NLRP12: variants seen among roughly 807,000 people sequenced by gnomAD.
NLRP12 encodes NLR family pyrin domain containing 12, also known as NACHT, LRR and PYD domains-containing protein 12.
Under a neutral mutation model 91.2 loss-of-function variants are expected in NLRP12, and 108 were observed. The observed-to-expected ratio is 1.18, with a 90% confidence interval of 1.01 to 1.39. The LOEUF is 1.39. Ranked by LOEUF, NLRP12 falls within the 40% of genes most tolerant of loss-of-function variation. The pLI is 0.00. For missense variants in NLRP12, 1,530 were observed against 1,352.7 expected, an observed-to-expected ratio of 1.13 and a Z score of -2.06; for synonymous variants, 613 against 566.7, an observed-to-expected ratio of 1.08 and a Z score of -1.16.
In NLRP12 at chr19:53,805,357, G is replaced by A. The variant is rs2091941014; in HGVS notation, c.2337C>T (p.Gly779=). ...TCATGCCTGGGAATCCAACGCCGTTGCCACTGAGATCCATCCTTGTCAAAT... is the reference window on the plus strand; with the variant it reads ...TCATGCCTGGGAATCCAACGCCGTTACCACTGAGATCCATCCTTGTCAAAT... ...NKNLTRMDLS[G]NGVGFPGMML... is the part of the protein sequence containing the mutation. The change falls in exon 5 of 10, where the codon GGC becomes GGT. Residue 779 remains glycine (G), a synonymous_variant. Coordinates refer to ENST00000324134, the MANE Select transcript of NLRP12 (RefSeq NM_144687.4). The A allele has an allele frequency of 1.9e-6, 3 of 1,614,080 alleles. No homozygotes were observed. The highest frequency in any genetic ancestry group is 1.7e-6 in the Non-Finnish European group (2 of 1,179,992).
chr19:53,801,449 T>C (rs2091871524), intron 6 of NLRP12, 52 bp from the exon 7 acceptor site: 2 of 281,196 alleles, frequency 7.1e-6, no homozygotes, highest in Non-Finnish European at 5.8e-6. Context: ...TTTCTTTTTC[T>C]TTTTTTTTTT....
chr19:53,802,797 A>C (rs545478211), intron 6 of NLRP12, among the ~76,000 whole-genome samples: 2 of 152,252 alleles, frequency 1.3e-5, no homozygotes, highest in South Asian at 4.1e-4. Context: ...TATTAGGGAC[A>C]GGGTCTCACC....
intron 7 of NLRP12, among the ~76,000 whole-genome samples, chr19:53,800,630 T>G (rs2091853262): frequency 6.6e-6 from 1 of 151,246 alleles, no homozygotes; most frequent in Non-Finnish European, 1.5e-5. Context: ...TTGCCCAGAC[T>G]GGAGTGCAAT....
rs138252982 is a variant in NLRP12 at position 53,814,454 on chromosome 19, G to C, written c.370+454C>G. On this transcript the variant is annotated intron_variant, in intron 2 of 9. Transcript: ENST00000324134. ...TGCAACCTCTACCTCCCAGGTTCAA[G>C]TGATTCTTCTGCCTCAGCCTCTGAG... Among the ~76,000 whole-genome samples, 361 of 152,240 alleles carry C rather than the reference G, an allele frequency of 2.4e-3. 3 individuals are homozygous for C. The highest frequency in any genetic ancestry group is 8.2e-3 in the African/African-American group (341 of 41,550).
chr19:53,794,539 C>T (rs976143894), intron 9 of NLRP12, among the ~76,000 whole-genome samples: 1 of 64,068 alleles, frequency 1.6e-5, no homozygotes. Flanking sequence ...CCAGGATGGT[C>T]CTAGTCTCCT....
At chr19:53,795,625 C>T (rs978884317) in intron 9 of NLRP12, among the ~76,000 whole-genome samples, 2 of 151,844 alleles carry the variant, frequency 1.3e-5, no homozygotes, top group African/African-American at 4.8e-5. Context: ...CCACCCGCCT[C>T]GGCCTCCCAA....
At chr19:53,809,488 G>T in intron 3 of NLRP12, 99 bp downstream of exon 3, 1 of 1,232,040 alleles carries the variant, frequency 8.1e-7, no homozygotes, top group Non-Finnish European at 1.1e-6. Context: ...CTGAGGTCAC[G>T]CCAGTGTACT....
rs34166148 is a variant in NLRP12 at position 53,805,521 on chromosome 19, C to CTT, written c.2244-73_2244-72dup. Reference sequence around the variant, plus strand: ...CAGTTTTGTGGATTATTTTCTTTTGCTTTTTTTTTTTTTTCTGAGACAGAG... The same window carrying CTT: ...CAGTTTTGTGGATTATTTTCTTTTGCTTTTTTTTTTTTTTTTCTGAGACAGAG... On this transcript the variant is annotated intron_variant, in intron 4 of 9. Coordinates refer to ENST00000324134, the MANE Select transcript of NLRP12 (RefSeq NM_144687.4). 285,376 of 1,136,112 alleles carry CTT rather than the reference C, an allele frequency of 0.25. 6,315 individuals carry two copies. The highest frequency in any genetic ancestry group is 0.39 in the African/African-American group (24,224 of 61,380). 70.4% of individuals were successfully genotyped at this position (1,136,112 alleles called of 1,614,324 possible).
intron 6 of NLRP12, 186 bp downstream of exon 6, chr19:53,803,766 G>A (rs756457421): frequency 2.3e-5 from 14 of 619,356 alleles, no homozygotes; most frequent in Non-Finnish European, 3.0e-5. Context: ...TAGAGAGGGG[G>A]TTTCACCGTG....
chr19:53,794,785 G>A (rs1388854041), intron 9 of NLRP12, among the ~76,000 whole-genome samples: 2 of 151,584 alleles, frequency 1.3e-5, no homozygotes, highest in Non-Finnish European at 2.9e-5. Flanking sequence ...TCCTGCCTTA[G>A]CCTCCCAAGT....
intron 3 of NLRP12, chr19:53,808,192 G>C (rs1196651181): frequency 4.1e-6 from 1 of 243,328 alleles, no homozygotes; most frequent in Non-Finnish European, 8.2e-6. Context: ...TGAGAAGCTG[G>C]GGCTACAGGT....
Position 53,824,246 on chromosome 19 carries a change from C to A in NLRP12, c.-72G>T. The stretch of plus-strand genomic sequence containing the variant: ...TCCTATGCACGGGACACAGGGCGAC[C>A]CCAGCACACCTTCCATTGCATCATT... On this transcript the variant is annotated 5_prime_UTR_variant, in exon 1 of 10. Coordinates refer to ENST00000324134, the MANE Select transcript of NLRP12 (RefSeq NM_144687.4). 5 of 1,463,860 alleles carry A rather than the reference C, an allele frequency of 3.4e-6. No homozygotes were observed. Among genetic ancestry groups the A allele is most frequent in the Non-Finnish European group, 4.7e-6 (5 of 1,056,004 alleles). 90.7% of individuals were successfully genotyped at this position (1,463,860 alleles called of 1,614,324 possible).
At chr19:53,822,560 G>A (rs192403083) in intron 1 of NLRP12, among the ~76,000 whole-genome samples, 84 of 151,802 alleles carry the variant, frequency 5.5e-4, no homozygotes, top group East Asian at 2.4e-3. Flanking sequence ...GTGAAACCCC[G>A]TCTCTACAAA....
At position 53,793,952 on chromosome 19, in the gene NLRP12, T is replaced by C; in HGVS notation, c.*97A>G. The C allele has an allele frequency of 1.1e-6, 1 of 873,266 alleles. No homozygotes were observed. Among genetic ancestry groups the C allele is most frequent in the Non-Finnish European group, 2.0e-6 (1 of 506,734 alleles). 54.1% of individuals were successfully genotyped at this position (873,266 alleles called of 1,614,324 possible). A position where few individuals can be genotyped will look rare whatever the true frequency, so the allele number is the denominator to read the frequency against. ...TGATCTCAATCTGCATGAGTCTGTC[T>C]CTAGGAAGGAGGCTGATCATTATGC... On this transcript the variant is annotated 3_prime_UTR_variant, in exon 10 of 10. Coordinates refer to ENST00000324134, the MANE Select transcript of NLRP12 (RefSeq NM_144687.4).
rs878878031 is a variant in NLRP12, at chr19:53,809,882, G to C, written c.1777C>G (p.Gln593Glu). 1.9e-6 allele frequency: 3 copies of C among 1,614,096 alleles called. No individual in the cohort carries two copies. In the South Asian group the frequency reaches 3.3e-5, roughly 18 times the overall value. ...VSPHIKMDLL[Q>E]WIQSKAQSDG... ...CTCTGAGCTTTGCTTTGGATCCACT[G>C]CAACAGGTCCATCTTGATGTGCGGC... The change falls in exon 3 of 10, where the codon CAG becomes GAG. Residue 593 changes from glutamine (Q) to glutamate (E), a missense_variant. Gln to Glu is a conservative substitution (Grantham distance 29). Coordinates refer to ENST00000324134, the MANE Select transcript of NLRP12 (RefSeq NM_144687.4).
At position 53,810,905 on chromosome 19, in the gene NLRP12, AG is replaced by A; in HGVS notation, c.753del (p.Cys252AlafsTer4). ...GTGGCACTCTGGTTCATCTCCCTGC[AG>A]TTGATGTAGAAGAGATAATCAAATC... The part of the protein sequence containing the change: ...QGRFDYLFYI[N>X]CREMNQSATE... On this transcript the variant is annotated frameshift_variant, in exon 3 of 10. Coordinates refer to ENST00000324134, the MANE Select transcript of NLRP12 (RefSeq NM_144687.4). LOFTEE classifies it high-confidence loss of function. The A allele has an allele frequency of 6.2e-7, 1 of 1,614,088 alleles. No homozygotes were observed. The highest frequency in any genetic ancestry group is 1.1e-5 in the South Asian group (1 of 91,088).
intron 4 of NLRP12, among the ~76,000 whole-genome samples, chr19:53,806,506 C>A (rs567979029): frequency 6.6e-6 from 1 of 151,530 alleles, no homozygotes; most frequent in Admixed American, 6.6e-5. Flanking sequence ...ATGGTGAAAC[C>A]CCGTCTCTAC....
chr19:53,794,161 T>C, intron 9 of NLRP12, 25 bp from the exon 10 acceptor site: 4 of 1,473,424 alleles, frequency 2.7e-6, no homozygotes, highest in South Asian at 1.1e-5. Context: ...GTTGATATTA[T>C]TCCAGTGTAC....
chr19:53,803,435 C>T (rs749729045), intron 6 of NLRP12, among the ~76,000 whole-genome samples: 1 of 151,946 alleles, frequency 6.6e-6, no homozygotes, highest in Non-Finnish European at 1.5e-5. Flanking sequence ...CCACCTCGGC[C>T]TCCCAAAGTG....
Sources: gnomAD v4.1 joint callset for allele counts (sites outside exome capture counted in the v4.1 genomes callset) on GRCh38, gnomAD v4.1.1 for gene constraint, MANE v1.5 for transcripts, NCBI Gene and HGNC (gene_info 2026-07-23, HGNC 2026-07-21) for gene names.